Variants in CCDC188 observed in about 807,000 individuals in gnomAD.
CCDC188 encodes coiled-coil domain-containing protein 188.
In CCDC188, 37 loss-of-function variants were observed where a neutral mutation model predicts 50.7. That is an observed-to-expected ratio of 0.73 (90% confidence interval 0.56 to 0.96). The LOEUF (loss-of-function observed/expected upper bound fraction) is 0.96, where lower values mean the gene tolerates loss of function less well. CCDC188 is among the 40% of genes least tolerant of loss of function. CCDC188 has a pLI of 0.00. For missense variants in CCDC188, 453 were observed against 512.9 expected, an observed-to-expected ratio of 0.88 and a Z score of 1.13; for synonymous variants, 208 against 228.0, an observed-to-expected ratio of 0.91 and a Z score of 0.79.
At position 20,149,480 on chromosome 22, in the gene CCDC188, G is replaced by C; in HGVS notation, c.850-4C>G. 4 of 1,550,112 alleles carry C rather than the reference G, an allele frequency of 2.6e-6. No individual in the cohort carries two copies. Among genetic ancestry groups the C allele is most frequent in the Non-Finnish European group, 3.5e-6 (4 of 1,146,868 alleles). ...CCCGGATGTCCTTCTTGAGGTTCTGGGGGCCAGAGGAGGTAAGCACAGCAG... is the reference window on the plus strand; with the variant it reads ...CCCGGATGTCCTTCTTGAGGTTCTGCGGGCCAGAGGAGGTAAGCACAGCAG... On this transcript the variant is annotated splice_polypyrimidine_tract_variant and splice_region_variant and intron_variant, in intron 5 of 8. Coordinates refer to ENST00000439765, the MANE Select transcript of CCDC188 (RefSeq NM_001365892.2).
At chr22:20,149,331 T>C in intron 6 of CCDC188, 81 bp downstream of exon 6, 2 of 1,545,242 alleles carry the variant, frequency 1.3e-6, no homozygotes, top group South Asian at 2.4e-5. Flanking sequence ...AGGTGGGGGG[T>C]CAAGGATGGG....
At position 20,150,530 on chromosome 22, in the gene CCDC188, A is replaced by G. The variant is rs752970495; in HGVS notation, c.457T>C (p.Cys153Arg). Residue 153 changes from cysteine (C) to arginine (R), a missense_variant, in exon 1 of 9, where the codon TGC (cysteine) becomes CGC (arginine). Physicochemically the swap from Cys to Arg is radical, Grantham distance 180. Transcript: ENST00000439765. ...SPRVALSQLQ[C>R]GLLGSAEQSF... ...TGTTCTGCAGAGCCCAGCAGCCCGCACTGAAGCTGGGACAGGGCTACCCTG... is the reference window on the plus strand; with the variant it reads ...TGTTCTGCAGAGCCCAGCAGCCCGCGCTGAAGCTGGGACAGGGCTACCCTG... 1.3e-6 allele frequency: 2 copies of G among 1,549,332 alleles called. No individual in the cohort carries two copies. The highest frequency in any genetic ancestry group is 2.4e-5 in the East Asian group (1 of 40,870).
Position 20,150,732 on chromosome 22 carries a change from T to G in CCDC188, c.255A>C (p.Arg85Ser), listed in dbSNP as rs1476405913. The G allele has an allele frequency of 1.9e-6, 3 of 1,550,140 alleles. No individual in the cohort carries two copies. ...PGLFLSSQEQ[R>S]ARDTEGPRQG... ...GTCTCGGCCCCTCAGTGTCTCTCGC[T>G]CTCTGCTCCTGGCTGGACAGAAAGA... is the stretch of plus-strand genomic sequence containing the variant. Residue 85 changes from arginine to serine, a missense_variant, in exon 1 of 9, where the codon AGA becomes AGC. Transcript: ENST00000439765.
chr22:20,149,701 C>T, intron 4 of CCDC188, 23 bp downstream of exon 4: 9 of 1,540,826 alleles, frequency 5.8e-6, no homozygotes, highest in Non-Finnish European at 7.9e-6. Flanking sequence ...CCCAGCACCC[C>T]TCCCCCTCAG....
At position 20,150,549 on chromosome 22, in the gene CCDC188, T is replaced by A; in HGVS notation, c.438A>T (p.Val146=). 6.5e-7 allele frequency: 1 copy of A among 1,548,922 alleles called. No homozygotes were observed. Among genetic ancestry groups the A allele is most frequent in the Non-Finnish European group, 8.7e-7 (1 of 1,146,222 alleles). Reference sequence around the variant, plus strand: ...GCCCGCACTGAAGCTGGGACAGGGCTACCCTGGGCGAGGCCAGGGCCCCTC... The same window carrying A: ...GCCCGCACTGAAGCTGGGACAGGGCAACCCTGGGCGAGGCCAGGGCCCCTC... The part of the protein sequence containing the change: ...REGGALASPR[V]ALSQLQCGLL... Residue 146 remains valine (V), a synonymous_variant, in exon 1 of 9, where the codon GTA becomes GTT. Transcript: ENST00000439765.
rs541274323 is a variant in CCDC188 at position 20,148,722 on chromosome 22, A to G, written c.1101T>C (p.Pro367=). 6.5e-7 allele frequency: 1 copy of G among 1,530,880 alleles called. No individual in the cohort carries two copies. Among genetic ancestry groups the G allele is most frequent in the Middle Eastern group, 1.7e-4 (1 of 5,866 alleles). 94.8% of individuals were successfully genotyped at this position (1,530,880 alleles called of 1,614,324 possible). A position where few individuals can be genotyped will look rare whatever the true frequency, so the allele number is the denominator to read the frequency against. The change falls in exon 9 of 9, where the codon CCT becomes CCC. Residue 367 remains proline, a synonymous_variant. Coordinates refer to ENST00000439765, the MANE Select transcript of CCDC188 (RefSeq NM_001365892.2). ...AAYVYVVNPT[P]FEGLVPPLLS... ...GCAGGGGTGGCACCAGCCCCTCGAA[A>G]GGTGTGGGGTTCACCACGTACACGT... is the stretch of plus-strand genomic sequence containing the variant.
chr22:20,149,936 G>A lies in CCDC188; in HGVS notation c.732+19C>T, dbSNP rs2050594059. Reference sequence around the variant, plus strand: ...TTACGAAGCTTCCTCCCCCCCCACAGCCCCTCCCCCAGGCCCACCTGGGAC... The same window carrying A: ...TTACGAAGCTTCCTCCCCCCCCACAACCCCTCCCCCAGGCCCACCTGGGAC... On this transcript the variant is annotated intron_variant, in intron 3 of 8. Transcript: ENST00000439765. 6.6e-7 allele frequency: 1 copy of A among 1,524,350 alleles called. No individual in the cohort carries two copies. Among genetic ancestry groups the A allele is most frequent in the African/African-American group, 1.4e-5 (1 of 72,336 alleles). The allele number at this position is 1,524,350 out of a possible 1,614,324, so 94.4% of individuals were successfully genotyped here.
chr22:20,148,730 G>C lies in CCDC188; in HGVS notation c.1093C>G (p.Pro365Ala). The C allele has an allele frequency of 6.6e-7, 1 of 1,523,138 alleles. No individual in the cohort carries two copies. Among genetic ancestry groups the C allele is most frequent in the Non-Finnish European group, 8.8e-7 (1 of 1,133,468 alleles). The allele number at this position is 1,523,138 out of a possible 1,614,324, so 94.4% of individuals were successfully genotyped here. Residue 365 changes from proline (P) to alanine (A), a missense_variant, in exon 9 of 9, where the codon CCC (proline) becomes GCC (alanine). Transcript: ENST00000439765. ...GGCACCAGCCCCTCGAAAGGTGTGG[G>C]GTTCACCACGTACACGTAGGCAGCG... The part of the protein sequence containing the change: ...WTAAYVYVVN[P>A]TPFEGLVPPL...
rs1370841248 is a variant in CCDC188, at chr22:20,148,418, A to ACCGG, written c.*192_*195dup. ...CCCCAATTTCCACAGAGACGTGCTC[A>ACCGG]CCGGCCACTTATGTCATGATTCTAT... On this transcript the variant is annotated 3_prime_UTR_variant, in exon 9 of 9. Coordinates refer to ENST00000439765, the MANE Select transcript of CCDC188 (RefSeq NM_001365892.2). The ACCGG allele has an allele frequency of 1.1e-4, 144 of 1,273,014 alleles. No homozygotes were observed. Among genetic ancestry groups the ACCGG allele is most frequent in the Non-Finnish European group, 1.3e-4 (135 of 1,005,970 alleles). The allele number at this position is 1,273,014 out of a possible 1,614,324, so 78.9% of individuals were successfully genotyped here. A position where few individuals can be genotyped will look rare whatever the true frequency, so the allele number is the denominator to read the frequency against.
In CCDC188 at chr22:20,149,983, C is replaced by T; in HGVS notation, c.704G>A (p.Gly235Glu). ...GGACTGTTGCACGAAAGCCTCTTGC[C>T]CCTGGCACAGCTCCCGCCGCAGCAG... The part of the protein sequence containing the change: ...LQLLRRELCQ[G>E]QEAFVQQSQN... Residue 235 changes from glycine (G) to glutamate (E), a missense_variant, in exon 3 of 9, where the codon GGG (glycine) becomes GAG (glutamate). Gly to Glu is a moderately conservative substitution (Grantham distance 98). Transcript: ENST00000439765. The T allele has an allele frequency of 6.5e-7, 1 of 1,548,186 alleles. No homozygotes were observed. Among genetic ancestry groups the T allele is most frequent in the Non-Finnish European group, 8.7e-7 (1 of 1,146,598 alleles).
chr22:20,150,094 C>T lies in CCDC188; in HGVS notation c.628-35G>A, dbSNP rs116805844. 1.7e-3 allele frequency: 2,678 copies of T among 1,540,408 alleles called. 26 individuals carry two copies. The African/African-American group carries it at 0.019, about 11-fold the overall frequency. On this transcript the variant is annotated intron_variant, in intron 2 of 8. Transcript: ENST00000439765. ...AGCCCCCAGATCAGCCCTAAGACTG[C>T]GGGCTAGAGGGGCGTTGGCTGCATG...
In CCDC188 at chr22:20,148,723, G is replaced by T. The variant is rs2050560608; in HGVS notation, c.1100C>A (p.Pro367His). The part of the protein sequence containing the change: ...AAYVYVVNPT[P>H]FEGLVPPLLS... Reference sequence around the variant, plus strand: ...CAGGGGTGGCACCAGCCCCTCGAAAGGTGTGGGGTTCACCACGTACACGTA... The same window carrying T: ...CAGGGGTGGCACCAGCCCCTCGAAATGTGTGGGGTTCACCACGTACACGTA... The change falls in exon 9 of 9, where the codon CCT becomes CAT. Residue 367 changes from proline to histidine, a missense_variant. Transcript: ENST00000439765. 2.0e-6 allele frequency: 3 copies of T among 1,527,562 alleles called. No individual in the cohort carries two copies. 94.6% of individuals were successfully genotyped at this position (1,527,562 alleles called of 1,614,324 possible). A position where few individuals can be genotyped will look rare whatever the true frequency, so the allele number is the denominator to read the frequency against.
rs8137258 is a variant in CCDC188, at chr22:20,148,438, T to C, written c.*176A>G. The C allele has an allele frequency of 0.21, 278,162 of 1,300,760 alleles. 31,786 individuals are homozygous for C. The highest frequency in any genetic ancestry group is 0.28 in the South Asian group (12,434 of 43,988). The allele number at this position is 1,300,760 out of a possible 1,614,324, so 80.6% of individuals were successfully genotyped here. A position where few individuals can be genotyped will look rare whatever the true frequency, so the allele number is the denominator to read the frequency against. On this transcript the variant is annotated 3_prime_UTR_variant, in exon 9 of 9. Coordinates refer to ENST00000439765, the MANE Select transcript of CCDC188 (RefSeq NM_001365892.2). ...TGCTCACCGGCCACTTATGTCATGATTCTATGTCCAGCCACAGGCCCAGCC... is the reference window on the plus strand; with the variant it reads ...TGCTCACCGGCCACTTATGTCATGACTCTATGTCCAGCCACAGGCCCAGCC...
rs1357584666 is a variant in CCDC188 at position 20,150,573 on chromosome 22, T to G, written c.414A>C (p.Gly138=). The part of the protein sequence containing the change: ...PCPCPPLSRE[G]GALASPRVAL... ...CTACCCTGGGCGAGGCCAGGGCCCC[T>G]CCCTCCCGTGACAGGGGTGGGCATG... The change falls in exon 1 of 9, where the codon GGA becomes GGC. Residue 138 remains glycine (G), a synonymous_variant. Transcript: ENST00000439765. 1 of 1,546,450 alleles carries G rather than the reference T, an allele frequency of 6.5e-7. No homozygotes were observed. The highest frequency in any genetic ancestry group is 2.5e-5 in the East Asian group (1 of 40,768).
Position 20,150,573 on chromosome 22 carries a change from TC to T in CCDC188, c.413del (p.Gly138GlufsTer9). 1 of 1,546,450 alleles carries T rather than the reference TC, an allele frequency of 6.5e-7. No homozygotes were observed. Among genetic ancestry groups the T allele is most frequent in the Non-Finnish European group, 8.7e-7 (1 of 1,144,614 alleles). ...CTACCCTGGGCGAGGCCAGGGCCCCTCCCTCCCGTGACAGGGGTGGGCATGG... is the reference window on the plus strand; with the variant it reads ...CTACCCTGGGCGAGGCCAGGGCCCCTCCTCCCGTGACAGGGGTGGGCATGG... ...PCPCPPLSRE[G>X]GALASPRVAL... is the part of the protein sequence containing the mutation. On this transcript the variant is annotated frameshift_variant, in exon 1 of 9. Transcript: ENST00000439765. LOFTEE classifies it high-confidence loss of function.
intron 3 of CCDC188, 71 bp downstream of exon 3, chr22:20,149,884 A>C: frequency 3.4e-6 from 5 of 1,489,996 alleles, no homozygotes; most frequent in Non-Finnish European, 4.5e-6. Flanking sequence ...CTCCCTAATG[A>C]ATCCCTCAGG....
Position 20,150,486 on chromosome 22 carries a change from C to T in CCDC188, c.501G>A (p.Glu167=). 1 of 1,544,468 alleles carries T rather than the reference C, an allele frequency of 6.5e-7. No homozygotes were observed. The change falls in exon 1 of 9, where the codon GAG becomes GAA. Residue 167 remains glutamate, a synonymous_variant. Coordinates refer to ENST00000439765, the MANE Select transcript of CCDC188 (RefSeq NM_001365892.2). ...GSAEQSFLQL[E]QENHSLKRQN... ...TGCTCACCAGGCTGTGGTTCTCCTG[C>T]TCCAGCTGCAGGAAGGACTGTTCTG... is the stretch of plus-strand genomic sequence containing the variant.
Position 20,150,231 on chromosome 22 carries a change from A to T in CCDC188, c.539T>A (p.Leu180His). The T allele has an allele frequency of 6.5e-7, 1 of 1,545,176 alleles. No homozygotes were observed. The highest frequency in any genetic ancestry group is 8.7e-7 in the Non-Finnish European group (1 of 1,144,584). ...CAGGAGGGCCCCCAGCTGCTCCCGA[A>T]GTTCCTGATTCTGCCTTTTCTGGGG... ...NHSLKRQNQE[L>H]REQLGALLGP... Residue 180 changes from leucine to histidine, a missense_variant, in exon 2 of 9, where the codon CTT (leucine) becomes CAT (histidine). Transcript: ENST00000439765.
Position 20,148,621 on chromosome 22 carries a change from G to A in CCDC188, c.1202C>T (p.Pro401Leu). Residue 401 changes from proline (P) to leucine (L), a missense_variant, in exon 9 of 9, where the codon CCC (proline) becomes CTC (leucine). Pro to Leu is a moderately conservative substitution (Grantham distance 98). Coordinates refer to ENST00000439765, the MANE Select transcript of CCDC188 (RefSeq NM_001365892.2). ...FLRLKVDGFL[P>L]F ...GGCCGCTGGGCCTCTGGCCTAGAAG[G>A]GCAGGAAGCCGTCCACTTTGAGGCG... The A allele has an allele frequency of 6.5e-7, 1 of 1,544,064 alleles. No homozygotes were observed. Among genetic ancestry groups the A allele is most frequent in the Non-Finnish European group, 8.7e-7 (1 of 1,144,678 alleles).
Sources: allele counts gnomAD v4.1 joint callset, GRCh38; gene constraint gnomAD v4.1.1; transcripts MANE v1.5; gene names NCBI Gene and HGNC (gene_info 2026-07-23, HGNC 2026-07-21).